Variants in NUP107 observed in about 807,000 individuals in gnomAD.
NUP107 encodes nucleoporin 107, also known as nuclear pore complex protein Nup107.
In NUP107, 101 loss-of-function variants were observed where a neutral mutation model predicts 141.0. The ratio of observed to expected loss-of-function variants is 0.72; its 90% CI spans 0.61 to 0.84. The LOEUF (loss-of-function observed/expected upper bound fraction) is 0.84, where lower values mean the gene tolerates loss of function less well. Among genes scored for constraint, NUP107 ranks in the 40% least tolerant of loss-of-function variants. NUP107 has a pLI of 0.00. For synonymous variants in NUP107, 319 were observed against 363.9 expected (o/e 0.88, Z 1.41); for missense variants, 941 against 1,102.7 (o/e 0.85, Z 2.08).
intron 11 of NUP107, among the ~76,000 whole-genome samples, chr12:68,715,380 G>A (rs1279913328): frequency 1.3e-5 from 2 of 152,164 alleles, no homozygotes; most frequent in Non-Finnish European, 2.9e-5. Context: ...TATAATCCCA[G>A]CTGCTCGGGA....
rs142470451 is a variant in NUP107 at position 68,719,610 on chromosome 12, T to C, written c.1207T>C (p.Tyr403His). The change falls in exon 14 of 28, where the codon TAT becomes CAT. Residue 403 changes from tyrosine to histidine, a missense_variant. Coordinates refer to ENST00000229179, the MANE Select transcript of NUP107 (RefSeq NM_020401.4). Reference sequence around the variant, plus strand: ...ATTAGAACCTGTTGAAGGGAATCCATATAGACGCATTTGGAAAATAAGTTG... The same window carrying C: ...ATTAGAACCTGTTGAAGGGAATCCACATAGACGCATTTGGAAAATAAGTTG... Reference protein sequence around the residue: ...TELEPVEGNPYRRIWKISCWR... With the variant: ...TELEPVEGNPHRRIWKISCWR... 3,014 of 1,613,202 alleles carry C rather than the reference T, an allele frequency of 1.9e-3. 3 individuals are homozygous for C. The highest frequency in any genetic ancestry group is 2.4e-3 in the Non-Finnish European group (2,780 of 1,179,196).
chr12:68,725,135 A>G (rs966526215), intron 17 of NUP107, among the ~76,000 whole-genome samples: 19 of 152,272 alleles, frequency 1.2e-4, no homozygotes, highest in African/African-American at 4.1e-4. Context: ...GTAAAAATTA[A>G]TAAATGCTGA....
intron 9 of NUP107, 64 bp from the exon 10 acceptor site, chr12:68,709,941 C>A: frequency 1.0e-6 from 1 of 968,224 alleles, no homozygotes; most frequent in Non-Finnish European, 1.6e-6. Context: ...AGTAGTACCA[C>A]TACAAATAAA....
intron 11 of NUP107, among the ~76,000 whole-genome samples, chr12:68,715,034 A>T (rs1419465888): frequency 6.6e-6 from 1 of 152,152 alleles, no homozygotes; most frequent in Non-Finnish European, 1.5e-5. Context: ...TTCTAGTGTT[A>T]CCTGGGCTGG....
intron 7 of NUP107, 72 bp from the exon 8 acceptor site, chr12:68,702,664 C>T (rs763383114): frequency 4.8e-5 from 50 of 1,043,174 alleles, no homozygotes; most frequent in Non-Finnish European, 6.0e-5. Context: ...TTCCTTCTCT[C>T]AGATGCTCAG....
At chr12:68,717,194 G>A (rs1044591494) in intron 12 of NUP107, among the ~76,000 whole-genome samples, 22 of 152,010 alleles carry the variant, frequency 1.4e-4, no homozygotes, top group Admixed American at 4.6e-4. Flanking sequence ...CACCACACCC[G>A]GCCATGGGAT....
At chr12:68,729,067 G>T (rs1165294737) in intron 20 of NUP107, among the ~76,000 whole-genome samples, 1 of 152,102 alleles carries the variant, frequency 6.6e-6, no homozygotes. Flanking sequence ...AACAAGACCT[G>T]GGAAAGCTTA....
chr12:68,717,497 T>A (rs1877165324), intron 12 of NUP107, among the ~76,000 whole-genome samples: 1 of 149,096 alleles, frequency 6.7e-6, no homozygotes, highest in African/African-American at 2.5e-5. Context: ...GTGAATCGTA[T>A]AATATATATT....
At chr12:68,704,486 C>T (rs1231896395) in intron 8 of NUP107, among the ~76,000 whole-genome samples, 5 of 150,596 alleles carry the variant, frequency 3.3e-5, no homozygotes, top group African/African-American at 1.2e-4. Flanking sequence ...TAGGGTCTTG[C>T]TCTATTGCCC....
rs907827925 is a variant in NUP107 at position 68,700,265 on chromosome 12, G to A, written c.553-461G>A. Among the ~76,000 whole-genome samples, 29 of 152,248 alleles carry A rather than the reference G, an allele frequency of 1.9e-4. No homozygotes were observed. In the East Asian group the frequency reaches 5.6e-3, roughly 29 times the overall value. ...AAGGACTTTGGTGATGTTTTGTTTA[G>A]AAATGATAATGTTTTTGGTGCCAAT... On this transcript the variant is annotated intron_variant, in intron 6 of 27. Coordinates refer to ENST00000229179, the MANE Select transcript of NUP107 (RefSeq NM_020401.4).
chr12:68,715,097 C>T (rs967945419), intron 11 of NUP107, among the ~76,000 whole-genome samples: 1 of 152,170 alleles, frequency 6.6e-6, no homozygotes, highest in Admixed American at 6.5e-5. Context: ...CCTTTGTGGG[C>T]CAACTGAGTA....
chr12:68,707,200 G>T (rs886077422), intron 8 of NUP107: 3 of 415,856 alleles, frequency 7.2e-6, no homozygotes, highest in Non-Finnish European at 1.3e-5. Flanking sequence ...CCCGTGGGGG[G>T]AGTTTACTGC....
chr12:68,728,361 G>A (rs1419059805), intron 20 of NUP107, among the ~76,000 whole-genome samples: 19 of 151,008 alleles, frequency 1.3e-4, no homozygotes, highest in African/African-American at 4.6e-4. Context: ...GGAAACAGAG[G>A]TGGGTGGATC....
intron 26 of NUP107, among the ~76,000 whole-genome samples, chr12:68,738,365 G>A (rs962031076): frequency 6.8e-6 from 1 of 147,118 alleles, no homozygotes; most frequent in African/African-American, 2.5e-5. Context: ...CAGGAGAATC[G>A]ATTGAACCCA....
intron 5 of NUP107, among the ~76,000 whole-genome samples, chr12:68,695,477 A>T (rs1159384579): frequency 6.6e-6 from 1 of 152,224 alleles, no homozygotes; most frequent in Non-Finnish European, 1.5e-5. Flanking sequence ...AACATGGATG[A>T]ACCTTGAGAA....
intron 7 of NUP107, among the ~76,000 whole-genome samples, chr12:68,701,483 A>T (rs527727242): frequency 6.6e-6 from 1 of 152,186 alleles, no homozygotes; most frequent in African/African-American, 2.4e-5. Flanking sequence ...GGAGTTCAAA[A>T]CCAGCCTGGC....
chr12:68,722,464 T>C (rs1355221314), intron 17 of NUP107, among the ~76,000 whole-genome samples: 1 of 152,116 alleles, frequency 6.6e-6, no homozygotes, highest in Non-Finnish European at 1.5e-5. Flanking sequence ...TTTCTAAAAA[T>C]TATATTCTTT....
At chr12:68,713,943 T>G (rs1876991530) in intron 11 of NUP107, 135 bp downstream of exon 11, 1 of 615,558 alleles carries the variant, frequency 1.6e-6, no homozygotes, top group South Asian at 2.1e-5. Context: ...CTAAAACAAC[T>G]AAGTTGCATT....
At chr12:68,735,124 C>G (rs1337153022) in intron 25 of NUP107, 107 bp from the exon 26 acceptor site, 2 of 810,468 alleles carry the variant, frequency 2.5e-6, no homozygotes, top group Non-Finnish European at 4.1e-6. Context: ...ACTGAAACAT[C>G]AACTCTTTAG....
Sources: gnomAD v4.1 joint callset for allele counts (sites outside exome capture counted in the v4.1 genomes callset) on GRCh38, gnomAD v4.1.1 for gene constraint, MANE v1.5 for transcripts, NCBI Gene and HGNC (gene_info 2026-07-23, HGNC 2026-07-21) for gene names.